PCDHGA3: variants seen among roughly 807,000 people sequenced by gnomAD.
The protein encoded by PCDHGA3 is protocadherin gamma subfamily A, 3, also known as protocadherin gamma-A3.
In PCDHGA3, 40 loss-of-function variants were observed where a neutral mutation model predicts 58.5. The observed-to-expected ratio is 0.68, with a 90% CI of 0.53 to 0.89. The LOEUF is 0.89. PCDHGA3 is among the 40% of genes least tolerant of loss of function. The probability of loss-of-function intolerance (pLI) is 0.00; values close to 1 mark genes in which losing one functional copy is unlikely to be tolerated. For synonymous variants in PCDHGA3, 530 were observed against 525.7 expected (o/e 1.01, Z -0.11); for missense variants, 1,223 against 1,195.9 (o/e 1.02, Z -0.33).
At chr5:141,376,160 C>G in intron 1 of PCDHGA3, 1 of 1,614,010 alleles carries the variant, frequency 6.2e-7, no homozygotes, top group South Asian at 1.1e-5. Context: ...CACTCTGTAC[C>G]TGGTGGTGGC....
chr5:141,474,083 A>G (rs771906750), intron 1 of PCDHGA3, among the ~76,000 whole-genome samples: 2 of 152,190 alleles, frequency 1.3e-5, no homozygotes, highest in African/African-American at 2.4e-5. Flanking sequence ...AACAAAAACC[A>G]AAAAACAAAC....
intron 1 of PCDHGA3, chr5:141,355,783 G>A (rs1177303699): frequency 1.2e-6 from 2 of 1,613,802 alleles, no homozygotes; most frequent in Non-Finnish European, 1.7e-6. Flanking sequence ...CCCAGAGCTG[G>A]TGCTGGAACG....
intron 1 of PCDHGA3, chr5:141,427,962 G>C (rs767684725): frequency 5.0e-6 from 8 of 1,589,982 alleles, no homozygotes; most frequent in Non-Finnish European, 6.9e-6. Flanking sequence ...TGTGCCGCGG[G>C]TGCTGTACCC....
chr5:141,449,932 A>T (rs1275797555), intron 1 of PCDHGA3, among the ~76,000 whole-genome samples: 6 of 151,660 alleles, frequency 4.0e-5, no homozygotes, highest in Non-Finnish European at 5.9e-5. Flanking sequence ...CATACCTTAT[A>T]GTATATTTTA....
chr5:141,372,593 CA>C, intron 1 of PCDHGA3: 1 of 1,614,030 alleles, frequency 6.2e-7, no homozygotes, highest in South Asian at 1.1e-5. Flanking sequence ...GTGTCTGCTT[CA>C]AGACTGTACC....
At chr5:141,384,528 C>T in intron 1 of PCDHGA3, 2 of 1,614,254 alleles carry the variant, frequency 1.2e-6, no homozygotes, top group Non-Finnish European at 1.7e-6. Context: ...CGCCTCTCAG[C>T]AGCAACATGT....
In PCDHGA3 at chr5:141,489,835, C is replaced by G; in HGVS notation, c.2425-4972C>G. On this transcript the variant is annotated intron_variant, in intron 1 of 3. Transcript: ENST00000253812. This position sits in a 1 kb window ranked among gnomAD's most constrained non-coding sequence, Gnocchi z 4.5. Reference sequence around the variant, plus strand: ...ATTCCCAGAGCTGGTGCTAGAGCAGCAGCTGGATCGTGAAGCCCAGGCAAG... The same window carrying G: ...ATTCCCAGAGCTGGTGCTAGAGCAGGAGCTGGATCGTGAAGCCCAGGCAAG... The G allele has an allele frequency of 6.2e-7, 1 of 1,614,164 alleles. No homozygotes were observed. Among genetic ancestry groups the G allele is most frequent in the Non-Finnish European group, 8.5e-7 (1 of 1,179,972 alleles).
chr5:141,390,371 T>C (rs761971479), intron 1 of PCDHGA3: 15 of 1,499,488 alleles, frequency 1.0e-5, no homozygotes, highest in Non-Finnish European at 3.6e-6. Context: ...GGAAAATATA[T>C]AATTTTTAGA....
chr5:141,361,237 T>C (rs1419156322), intron 1 of PCDHGA3: 4 of 1,613,848 alleles, frequency 2.5e-6, no homozygotes, highest in Non-Finnish European at 3.4e-6. Context: ...AGTGATCGCC[T>C]TGATAAAAAC....
rs1396704157 is a variant in PCDHGA3, at chr5:141,344,529, T to C, written c.496T>C (p.Ser166Pro). 1.2e-6 allele frequency: 2 copies of C among 1,613,890 alleles called. No homozygotes were observed. Among genetic ancestry groups the C allele is most frequent in the Admixed American group, 1.7e-5 (1 of 60,010 alleles). The change falls in exon 1 of 4, where the codon TCC becomes CCC. Residue 166 changes from serine (S) to proline (P), a missense_variant. Ser to Pro is a moderately conservative substitution (Grantham distance 74, BLOSUM62 -1). This residue lies in a region of PCDHGA3 where 791 missense variants were observed against 708.5 expected (regional missense o/e 1.12). Coordinates refer to ENST00000253812, the MANE Select transcript of PCDHGA3 (RefSeq NM_018916.4). ...TAFDPDVGIN[S>P]LQNYKLSPND... Reference sequence around the variant, plus strand: ...TTTTGACCCAGATGTAGGCATTAACTCCCTGCAGAACTACAAGCTTAGCCC... The same window carrying C: ...TTTTGACCCAGATGTAGGCATTAACCCCCTGCAGAACTACAAGCTTAGCCC...
In PCDHGA3 at chr5:141,344,482, C is replaced by T. The variant is rs1435055350; in HGVS notation, c.449C>T (p.Thr150Ile). ...IKIGELTVPG[T>I]RFPIKTAFDP... ...ATTGGTGAACTAACGGTTCCTGGAA[C>T]CCGATTTCCAATTAAAACTGCTTTT... The change falls in exon 1 of 4, where the codon ACC becomes ATC. Residue 150 changes from threonine to isoleucine, a missense_variant. Thr to Ile is a moderately conservative substitution (Grantham distance 89). This residue lies in a region of PCDHGA3 where 791 missense variants were observed against 708.5 expected (regional missense o/e 1.12). Transcript: ENST00000253812. 9 of 1,613,784 alleles carry T rather than the reference C, an allele frequency of 5.6e-6. No individual in the cohort carries two copies. Among genetic ancestry groups the T allele is most frequent in the Non-Finnish European group, 7.6e-6 (9 of 1,179,866 alleles).
chr5:141,379,340 TC>T (rs1433489240), intron 1 of PCDHGA3: 1 of 152,232 alleles, frequency 6.6e-6, no homozygotes, highest in Non-Finnish European at 1.5e-5. Flanking sequence ...TCTTCAAAGC[TC>T]ATTTTCTTGT....
In PCDHGA3 at chr5:141,505,419, C is replaced by G. The variant is rs1303924776; in HGVS notation, c.2510C>G (p.Thr837Ser). 6 of 1,614,140 alleles carry G rather than the reference C, an allele frequency of 3.7e-6. No individual in the cohort carries two copies. The highest frequency in any genetic ancestry group is 4.2e-6 in the Non-Finnish European group (5 of 1,180,062). Residue 837 changes from threonine to serine, a missense_variant, in exon 3 of 4, where the codon ACC becomes AGC. Thr to Ser is a moderately conservative substitution (Grantham distance 58). Around this residue, in one of 3 missense-constraint regions of PCDHGA3, gnomAD observed 325 missense variants for 327.5 expected, o/e 0.99. Coordinates refer to ENST00000253812, the MANE Select transcript of PCDHGA3 (RefSeq NM_018916.4). ...SGSQNGDDTGTWPNNQFDTEM... is the reference protein window; with the variant it reads ...SGSQNGDDTGSWPNNQFDTEM... ...TCCCAAAATGGCGATGACACCGGCACCTGGCCCAACAACCAGTTTGACACA... is the reference window on the plus strand; with the variant it reads ...TCCCAAAATGGCGATGACACCGGCAGCTGGCCCAACAACCAGTTTGACACA...
intron 1 of PCDHGA3, among the ~76,000 whole-genome samples, chr5:141,461,881 T>C (rs2099025428): frequency 6.6e-6 from 1 of 152,060 alleles, no homozygotes. Flanking sequence ...TGGAGTGCAA[T>C]GGCACGATCT....
intron 1 of PCDHGA3, among the ~76,000 whole-genome samples, chr5:141,358,604 T>C (rs1760964834): frequency 1.3e-5 from 2 of 152,226 alleles, no homozygotes; most frequent in South Asian, 2.1e-4. Context: ...CCTGTGATTA[T>C]GAGAAATATT....
At chr5:141,415,638 T>G in intron 1 of PCDHGA3, 1 of 1,598,954 alleles carries the variant, frequency 6.3e-7, no homozygotes, top group Non-Finnish European at 8.5e-7. Flanking sequence ...TTTTTACTTT[T>G]GTTAAAAAAA....
In PCDHGA3 at chr5:141,432,278, A is replaced by G. The variant is rs923930127; in HGVS notation, c.2425-62529A>G. On this transcript the variant is annotated intron_variant, in intron 1 of 3. Transcript: ENST00000253812. The surrounding 1 kb of genome is among the most constrained non-coding windows in gnomAD (Gnocchi z 6.0). ...GGCAAGCCTATCGTCCTACGTGTCC[A>G]TCAACTCCGACACTGGGGTACTGTA... 3.7e-5 allele frequency: 59 copies of G among 1,614,078 alleles called. No individual in the cohort carries two copies. Among genetic ancestry groups the G allele is most frequent in the Non-Finnish European group, 4.7e-5 (55 of 1,180,036 alleles).
chr5:141,431,916 T>C lies in PCDHGA3; in HGVS notation c.2425-62891T>C, dbSNP rs2097428336. 1 of 1,614,056 alleles carries C rather than the reference T, an allele frequency of 6.2e-7. No homozygotes were observed. Among genetic ancestry groups the C allele is most frequent in the Middle Eastern group, 1.6e-4 (1 of 6,062 alleles). ...GAAAACGGACAGGTGATCTGTTTCA[T>C]CCAAGGAAATCTGCCCTTTAAATTA... On this transcript the variant is annotated intron_variant, in intron 1 of 3. Transcript: ENST00000253812. The surrounding 1 kb of genome is among the most constrained non-coding windows in gnomAD (Gnocchi z 4.8).
intron 1 of PCDHGA3, chr5:141,357,779 A>G (rs552540688): frequency 6.8e-6 from 6 of 880,964 alleles, no homozygotes; most frequent in South Asian, 3.7e-5. Flanking sequence ...ATAATGATCA[A>G]CAGTATTTAC....
Sources: gnomAD v4.1 joint callset for allele counts (sites outside exome capture counted in the v4.1 genomes callset) on GRCh38, gnomAD v4.1.1 for gene constraint, gnomAD v4.1.1 regional missense constraint, Gnocchi (gnomAD v3.1) non-coding constraint, MANE v1.5 for transcripts, NCBI Gene and HGNC (gene_info 2026-07-23, HGNC 2026-07-21) for gene names.